Variants in SP140 observed in about 807,000 individuals in gnomAD.
The protein encoded by SP140 is SP140 nuclear body protein, also known as nuclear body protein SP140.
A neutral mutation model predicts 125.0 loss-of-function variants in SP140; 81 were observed. The ratio of observed to expected loss-of-function variants is 0.65; its 90% confidence interval spans 0.54 to 0.78. The LOEUF (loss-of-function observed/expected upper bound fraction) is 0.78, where lower values mean the gene tolerates loss of function less well. SP140 is among the 30% of genes least tolerant of loss of function. The probability of loss-of-function intolerance (pLI) is 0.00; values close to 1 mark genes in which losing one functional copy is unlikely to be tolerated. For missense variants in SP140, 858 were observed against 1,037.0 expected (o/e 0.83, Z 2.37); for synonymous variants, 312 against 354.0 (o/e 0.88, Z 1.33).
intron 12 of SP140, among the ~76,000 whole-genome samples, chr2:230,265,184 G>T (rs773293856): frequency 9.2e-5 from 14 of 152,104 alleles, no homozygotes; most frequent in Non-Finnish European, 1.5e-4. Flanking sequence ...TGTCACTGGA[G>T]TTGTGTACCT....
At chr2:230,290,423 G>C in intron 18 of SP140, 37 bp from the exon 19 acceptor site, 1 of 1,599,768 alleles carries the variant, frequency 6.3e-7, no homozygotes, top group Non-Finnish European at 8.6e-7. Context: ...ACGTGCCTTT[G>C]CAAAGTGAGA....
intron 3 of SP140, among the ~76,000 whole-genome samples, chr2:230,240,660 A>G (rs2048598222): frequency 6.6e-6 from 1 of 152,204 alleles, no homozygotes; most frequent in Non-Finnish European, 1.5e-5. Context: ...TGACAATACC[A>G]AGTGCTGATG....
At chr2:230,275,224 A>C (rs2054538925) in intron 15 of SP140, among the ~76,000 whole-genome samples, 1 of 152,118 alleles carries the variant, frequency 6.6e-6, no homozygotes, top group African/African-American at 2.4e-5. Flanking sequence ...GTATAGGCAC[A>C]TCTCGTTTGA....
intron 1 of SP140, among the ~76,000 whole-genome samples, chr2:230,206,597 A>ATATT (rs2043853385): frequency 3.4e-5 from 1 of 29,478 alleles, no homozygotes; most frequent in Non-Finnish European, 5.9e-5. Flanking sequence ...TCCAGATTTT[A>ATATT]TATATATATA....
At chr2:230,199,401 G>T (rs549527324), upstream of SP140, among the ~76,000 whole-genome samples, 70 of 151,348 alleles carry the variant, frequency 4.6e-4, no homozygotes, top group Non-Finnish European at 8.4e-4. Context: ...TAGAGACAGG[G>T]TTTCATCATG....
At chr2:230,235,714 A>G (rs1368682437) in intron 1 of SP140, among the ~76,000 whole-genome samples, 1 of 152,192 alleles carries the variant, frequency 6.6e-6, no homozygotes, top group East Asian at 1.9e-4. Flanking sequence ...AATCAGAACT[A>G]CAAACTTTTG....
chr2:230,221,105 A>G (rs1403207773), upstream of SP140, among the ~76,000 whole-genome samples: 1 of 151,752 alleles, frequency 6.6e-6, no homozygotes, highest in African/African-American at 2.4e-5. Flanking sequence ...ACATGGTGAA[A>G]CCCCATCTCT....
Position 230,241,889 on chromosome 2 carries a change from A to G in SP140, c.490+402A>G, listed in dbSNP as rs960394319. ...ACTCAGAAATAACCTAAGCCATATCAGATTCAGGTGAGAGATATTCCTTAC... is the reference window on the plus strand; with the variant it reads ...ACTCAGAAATAACCTAAGCCATATCGGATTCAGGTGAGAGATATTCCTTAC... On this transcript the variant is annotated intron_variant, in intron 4 of 26. Transcript: ENST00000392045. Among the ~76,000 whole-genome samples the G allele has an allele frequency of 2.7e-4, 41 of 152,342 alleles. 1 individual carries two copies. The highest frequency in any genetic ancestry group is 1.5e-3 in the Admixed American group (23 of 15,294).
upstream of SP140, among the ~76,000 whole-genome samples, chr2:230,224,113 T>C (rs1574839607): frequency 6.6e-6 from 1 of 152,236 alleles, no homozygotes; most frequent in African/African-American, 2.4e-5. Context: ...CCTGGGCTAA[T>C]GCATGGTGTT....
chr2:230,271,133 TG>T (rs2053860007), intron 15 of SP140, among the ~76,000 whole-genome samples: 1 of 152,222 alleles, frequency 6.6e-6, no homozygotes, highest in Admixed American at 6.5e-5. Flanking sequence ...CACTTCTCAC[TG>T]ACATAACTGG....
At chr2:230,217,659 A>C (rs979829959) in intron 3 of SP140, among the ~76,000 whole-genome samples, 4 of 152,228 alleles carry the variant, frequency 2.6e-5, no homozygotes, top group Non-Finnish European at 4.4e-5. Flanking sequence ...GAAATGTTTA[A>C]TAACTTGCCC....
chr2:230,222,840 GTTTT>G (rs35018428), upstream of SP140, among the ~76,000 whole-genome samples: 1 of 128,940 alleles, frequency 7.8e-6, no homozygotes. Context: ...GTGTATTAAA[GTTTT>G]TTTTTTTTTT....
chr2:230,285,704 G>A (rs1210092311), intron 16 of SP140, 48 bp from the exon 17 acceptor site: 2 of 1,477,274 alleles, frequency 1.4e-6, no homozygotes, highest in Non-Finnish European at 1.9e-6. Flanking sequence ...CCTGACAGCT[G>A]TTGTTCTGCC....
In SP140 at chr2:230,274,433, A is replaced by G. The variant is rs1211694822; in HGVS notation, c.1498+3794A>G. On this transcript the variant is annotated intron_variant, in intron 15 of 26. Transcript: ENST00000392045. ...CTATGGAAGAATGGTCAGAGAGAAT[A>G]GAGCTGGATGTGGAGATGGATGCAG... 2.0e-5 allele frequency among the ~76,000 whole-genome samples: 3 copies of G among 152,218 alleles called. No individual in the cohort carries two copies. The East Asian group carries it at 5.8e-4, about 29-fold the overall frequency.
At chr2:230,201,955 G>C (rs189855690), upstream of SP140, among the ~76,000 whole-genome samples, 501 of 152,240 alleles carry the variant, frequency 3.3e-3, 3 homozygotes, top group African/African-American at 0.012. Flanking sequence ...TTTTAAACTA[G>C]ATATCTGTGT....
intron 22 of SP140, among the ~76,000 whole-genome samples, chr2:230,307,973 A>ATATATATATG (rs2058940353): frequency 1.1e-5 from 1 of 88,170 alleles, no homozygotes; most frequent in Non-Finnish European, 2.5e-5. Flanking sequence ...ATATATATAT[A>ATATATATATG]TATATATATA....
chr2:230,242,449 A>C (rs1222074783), intron 4 of SP140, among the ~76,000 whole-genome samples: 2 of 152,102 alleles, frequency 1.3e-5, no homozygotes, highest in African/African-American at 4.8e-5. Context: ...ATTTCAATAG[A>C]TCTCTCCCAG....
intron 22 of SP140, among the ~76,000 whole-genome samples, chr2:230,304,615 A>G (rs1039595449): frequency 4.6e-5 from 7 of 152,240 alleles, no homozygotes; most frequent in African/African-American, 1.4e-4. Context: ...AAATATTTGC[A>G]GCCAGCTAAC....
chr2:230,260,535 G>A (rs1420305383), intron 12 of SP140, among the ~76,000 whole-genome samples: 1 of 152,148 alleles, frequency 6.6e-6, no homozygotes. Flanking sequence ...TGTTTAGAAG[G>A]GTTTTTCTGA....
Sources: allele counts gnomAD v4.1 joint callset (sites outside exome capture counted in the v4.1 genomes callset), GRCh38; gene constraint gnomAD v4.1.1; transcripts MANE v1.5; gene names NCBI Gene and HGNC (gene_info 2026-07-23, HGNC 2026-07-21).